RNF214: variants seen among roughly 807,000 people sequenced by gnomAD.
RNF214 encodes the protein ring finger protein 214.
Under a neutral mutation model 75.9 loss-of-function variants are expected in RNF214, and 25 were observed. The observed-to-expected ratio is 0.33, with a 90% CI of 0.24 to 0.46. RNF214 has a LOEUF of 0.46. RNF214 is among the 20% of genes least tolerant of loss of function. The pLI is 1.00. For synonymous variants in RNF214, 314 were observed against 308.8 expected (o/e 1.02, Z -0.18); for missense variants, 725 against 857.5 (o/e 0.85, Z 1.93).
intron 6 of RNF214, among the ~76,000 whole-genome samples, chr11:117,259,626 A>T (rs554823321): frequency 3.3e-5 from 5 of 152,164 alleles, no homozygotes; most frequent in African/African-American, 1.2e-4. Context: ...TTTTTTAGAG[A>T]TTGCAGATGG....
At chr11:117,258,299 T>A (rs1007064043) in intron 6 of RNF214, among the ~76,000 whole-genome samples, 1 of 152,048 alleles carries the variant, frequency 6.6e-6, no homozygotes, top group African/African-American at 2.4e-5. Flanking sequence ...AATCTCTTGA[T>A]GTCATGATCC....
chr11:117,251,636 G>A (rs970840713), intron 6 of RNF214, among the ~76,000 whole-genome samples: 1 of 152,250 alleles, frequency 6.6e-6, no homozygotes, highest in African/African-American at 2.4e-5. Context: ...AGGGGTCAGG[G>A]TAGGTATAGG....
Position 117,234,383 on chromosome 11 carries a change from A to T in RNF214, c.107+4A>T. ...AAGGTCTCCCAGATGGTCTAAGGTA[A>T]TGTGTGGACTCCTGACTGGGAAGAT... On this transcript the variant is annotated splice_donor_region_variant and intron_variant, in intron 2 of 14. Coordinates refer to ENST00000300650, the MANE Select transcript of RNF214 (RefSeq NM_207343.4). 1 of 1,582,538 alleles carries T rather than the reference A, an allele frequency of 6.3e-7. No homozygotes were observed. The highest frequency in any genetic ancestry group is 8.7e-7 in the Non-Finnish European group (1 of 1,151,152).
chr11:117,241,762 TTTTTGATACTA>T (rs1302436581), intron 4 of RNF214, among the ~76,000 whole-genome samples: 3 of 152,190 alleles, frequency 2.0e-5, no homozygotes, highest in Admixed American at 6.5e-5. Flanking sequence ...TTTAGTATTC[TTTTTGATACTA>T]TTTTGATACT....
At chr11:117,236,003 C>G (rs981974169) in intron 2 of RNF214, among the ~76,000 whole-genome samples, 3 of 152,144 alleles carry the variant, frequency 2.0e-5, no homozygotes, top group Non-Finnish European at 2.9e-5. Flanking sequence ...CCCTGTCCCC[C>G]AGACTGGAGT....
chr11:117,238,119 A>G (rs2032962007), intron 2 of RNF214, among the ~76,000 whole-genome samples: 1 of 152,224 alleles, frequency 6.6e-6, no homozygotes, highest in African/African-American at 2.4e-5. Flanking sequence ...CATTTACTGT[A>G]GAACCCAGGT....
In RNF214 at chr11:117,256,465, C is replaced by T. The variant is rs140716957; in HGVS notation, c.959+9517C>T. Among the ~76,000 whole-genome samples the T allele has an allele frequency of 2.5e-3, 381 of 152,256 alleles. 13 individuals carry two copies. The South Asian group carries it at 0.049, about 20-fold the overall frequency. On this transcript the variant is annotated intron_variant, in intron 6 of 14. Coordinates refer to ENST00000300650, the MANE Select transcript of RNF214 (RefSeq NM_207343.4). ...CAGGTTGTGGCTGGGGCTAGGATATCCAACATGGCTTCATTCATATCCCTG... is the reference window on the plus strand; with the variant it reads ...CAGGTTGTGGCTGGGGCTAGGATATTCAACATGGCTTCATTCATATCCCTG...
chr11:117,244,169 C>T (rs986260383), intron 4 of RNF214, among the ~76,000 whole-genome samples: 2 of 151,812 alleles, frequency 1.3e-5, no homozygotes, highest in African/African-American at 4.8e-5. Context: ...TTTTTAGAGT[C>T]CAGGTTTTGC....
chr11:117,238,580 T>C lies in RNF214; in HGVS notation c.108-21T>C, dbSNP rs759287043. ...GTTGAAAGTATTATATACTTTTCTTTTTATCTTGTGTGTTTGATAGCACCA... is the reference window on the plus strand; with the variant it reads ...GTTGAAAGTATTATATACTTTTCTTCTTATCTTGTGTGTTTGATAGCACCA... On this transcript the variant is annotated intron_variant, in intron 2 of 14. Coordinates refer to ENST00000300650, the MANE Select transcript of RNF214 (RefSeq NM_207343.4). The C allele has an allele frequency of 3.2e-6, 5 of 1,580,738 alleles. No individual in the cohort carries two copies. In the African/African-American group the frequency reaches 5.5e-5, roughly 17 times the overall value.
At chr11:117,259,146 AG>A in intron 6 of RNF214, among the ~76,000 whole-genome samples, 1 of 152,224 alleles carries the variant, frequency 6.6e-6, no homozygotes, top group South Asian at 2.1e-4. Flanking sequence ...TAGTAGAGAC[AG>A]GGTTTTGCCA....
chr11:117,239,718 G>T, intron 3 of RNF214, 83 bp from the exon 4 acceptor site: 3 of 768,864 alleles, frequency 3.9e-6, no homozygotes, highest in South Asian at 2.9e-5. Flanking sequence ...TTAGTTACCT[G>T]TGGCGGAATT....
At chr11:117,260,633 T>C (rs2033635086) in intron 6 of RNF214, among the ~76,000 whole-genome samples, 2 of 150,122 alleles carry the variant, frequency 1.3e-5, no homozygotes, top group Non-Finnish European at 3.0e-5. Context: ...ACCTAGTCTC[T>C]ATTTCTTTTT....
intron 6 of RNF214, among the ~76,000 whole-genome samples, chr11:117,271,671 G>T (rs2033913037): frequency 6.6e-6 from 1 of 152,190 alleles, no homozygotes; most frequent in South Asian, 2.1e-4. Context: ...AACATTAGTG[G>T]AAAAGGAGCT....
chr11:117,271,159 C>T (rs2033902774), intron 6 of RNF214, among the ~76,000 whole-genome samples: 1 of 152,196 alleles, frequency 6.6e-6, no homozygotes, highest in South Asian at 2.1e-4. Context: ...CTCAGCCTCC[C>T]AAAGTGCTGG....
intron 6 of RNF214, among the ~76,000 whole-genome samples, chr11:117,256,559 C>T (rs2033526752): frequency 6.6e-6 from 1 of 152,154 alleles, no homozygotes; most frequent in Non-Finnish European, 1.5e-5. Context: ...TTTTCTCATT[C>T]TCACTCTTGC....
intron 1 of RNF214, among the ~76,000 whole-genome samples, chr11:117,233,768 G>GC (rs2134347353): frequency 6.6e-6 from 1 of 152,294 alleles, no homozygotes; most frequent in African/African-American, 2.4e-5. Context: ...ACCCTGGATT[G>GC]CCCAGTATTG....
At chr11:117,243,882 T>C (rs537610902) in intron 4 of RNF214, among the ~76,000 whole-genome samples, 26 of 152,298 alleles carry the variant, frequency 1.7e-4, no homozygotes, top group African/African-American at 6.0e-4. Flanking sequence ...ATCCCGACTT[T>C]ATATGAAAGC....
At chr11:117,252,801 T>C (rs1428346531) in intron 6 of RNF214, among the ~76,000 whole-genome samples, 1 of 152,226 alleles carries the variant, frequency 6.6e-6, no homozygotes, top group Non-Finnish European at 1.5e-5. Context: ...ATTACAGGCA[T>C]GAGCCGCCTC....
intron 2 of RNF214, among the ~76,000 whole-genome samples, chr11:117,237,797 A>G (rs2032950833): frequency 6.6e-6 from 1 of 152,222 alleles, no homozygotes; most frequent in African/African-American, 2.4e-5. Flanking sequence ...TTTTGGATTC[A>G]AAATTGTACT....
Sources: gnomAD v4.1 joint callset for allele counts (sites outside exome capture counted in the v4.1 genomes callset) on GRCh38, gnomAD v4.1.1 for gene constraint, MANE v1.5 for transcripts, NCBI Gene and HGNC (gene_info 2026-07-23, HGNC 2026-07-21) for gene names.